RMC1: variants seen among roughly 807,000 people sequenced by gnomAD.
The protein encoded by RMC1 is regulator of MON1-CCZ1 complex.
A neutral mutation model predicts 95.5 loss-of-function variants in RMC1; 44 were observed. That is an observed-to-expected ratio of 0.46 (90% confidence interval 0.36 to 0.59). The LOEUF is 0.59. Ranked by LOEUF, RMC1 falls within the 20% of genes least tolerant of loss-of-function variation. RMC1 has a pLI of 0.00. For missense variants in RMC1, 705 were observed against 819.6 expected (o/e 0.86, Z 1.71); for synonymous variants, 320 against 303.6 (o/e 1.05, Z -0.56).
At chr18:23,518,077 G>T (rs1268938950) in intron 7 of RMC1, among the ~76,000 whole-genome samples, 1 of 152,242 alleles carries the variant, frequency 6.6e-6, no homozygotes, top group Non-Finnish European at 1.5e-5. Flanking sequence ...TGGAGGTGGG[G>T]ACCTGTTCCC....
At position 23,504,356 on chromosome 18, in the gene RMC1, G is replaced by T; in HGVS notation, c.103-15G>T. 6.2e-7 allele frequency: 1 copy of T among 1,613,764 alleles called. No individual in the cohort carries two copies. Among genetic ancestry groups the T allele is most frequent in the Non-Finnish European group, 8.5e-7 (1 of 1,179,670 alleles). ...CAGAGTTCAGGCTGTTAACCTTGCTGCTTTTCCCTCTCAGGTTTTTGCTGT... is the reference window on the plus strand; with the variant it reads ...CAGAGTTCAGGCTGTTAACCTTGCTTCTTTTCCCTCTCAGGTTTTTGCTGT... On this transcript the variant is annotated splice_polypyrimidine_tract_variant and intron_variant, in intron 1 of 19. Transcript: ENST00000269221.
intron 5 of RMC1, among the ~76,000 whole-genome samples, chr18:23,511,816 C>T (rs2057866327): frequency 6.6e-6 from 1 of 152,114 alleles, no homozygotes; most frequent in Non-Finnish European, 1.5e-5. Flanking sequence ...CCTTCAGTAA[C>T]ATGCTTGTAC....
Position 23,518,871 on chromosome 18 carries a change from CTGTT to C in RMC1, c.654-14_654-11del, listed in dbSNP as rs762492126. On this transcript the variant is annotated splice_polypyrimidine_tract_variant and intron_variant, in intron 7 of 19. Transcript: ENST00000269221. ...TTGAATGGCCAGATGTGATTTATGT[CTGTT>C]TGTTCCCTAATTAGATACGGGCAGC... The C allele has an allele frequency of 6.2e-7, 1 of 1,610,622 alleles. No individual in the cohort carries two copies. Among genetic ancestry groups the C allele is most frequent in the African/African-American group, 1.3e-5 (1 of 74,850 alleles).
intron 12 of RMC1, 98 bp from the exon 13 acceptor site, chr18:23,526,539 C>T (rs1399398403): frequency 1.4e-6 from 2 of 1,462,356 alleles, no homozygotes; most frequent in Admixed American, 2.1e-5. Context: ...TTTTTATCAC[C>T]ACCTGCCACC....
intron 16 of RMC1, 108 bp downstream of exon 16, chr18:23,529,820 G>A: frequency 1.7e-6 from 2 of 1,187,364 alleles, no homozygotes; most frequent in Non-Finnish European, 1.2e-6. Flanking sequence ...CTGCCTCCCT[G>A]ACTCAGAATG....
chr18:23,505,015 T>C (rs1021212128), intron 2 of RMC1, among the ~76,000 whole-genome samples: 1 of 152,160 alleles, frequency 6.6e-6, no homozygotes, highest in Admixed American at 6.6e-5. Flanking sequence ...AGGCCCTCAA[T>C]TCAGTAGTGA....
At chr18:23,520,872 C>T (rs1437343797) in intron 10 of RMC1, among the ~76,000 whole-genome samples, 2 of 152,176 alleles carry the variant, frequency 1.3e-5, no homozygotes, top group African/African-American at 2.4e-5. Flanking sequence ...TGCACCACCA[C>T]GCCCAGCTAA....
intron 16 of RMC1, 40 bp downstream of exon 16, chr18:23,529,752 A>C (rs1232897259): frequency 1.3e-6 from 2 of 1,551,346 alleles, no homozygotes; most frequent in South Asian, 2.3e-5. Context: ...AAACAGAAGG[A>C]ATTTAAAAAA....
At chr18:23,512,320 C>T (rs1043445891) in intron 5 of RMC1, among the ~76,000 whole-genome samples, 4 of 151,940 alleles carry the variant, frequency 2.6e-5, no homozygotes, top group Admixed American at 6.6e-5. Context: ...CATGCCTGGC[C>T]GAAAGACATT....
intron 19 of RMC1, among the ~76,000 whole-genome samples, 174 bp downstream of exon 19, chr18:23,530,786 CAG>C (rs1182163024): frequency 1.3e-5 from 2 of 152,144 alleles, no homozygotes; most frequent in African/African-American, 4.8e-5. Flanking sequence ...AGTATACTGA[CAG>C]AATCTGAATT....
intron 1 of RMC1, among the ~76,000 whole-genome samples, chr18:23,504,002 TTTG>T (rs1400207402): frequency 6.6e-6 from 1 of 152,146 alleles, no homozygotes; most frequent in Non-Finnish European, 1.5e-5. Context: ...CTAGGCTTCT[TTTG>T]TTGTGTTTGT....
At position 23,512,858 on chromosome 18, in the gene RMC1, T is replaced by A. The variant is rs890514830; in HGVS notation, c.409-2998T>A. 3.9e-4 allele frequency among the ~76,000 whole-genome samples: 60 copies of A among 152,204 alleles called. 1 individual carries two copies. Among genetic ancestry groups the A allele is most frequent in the Admixed American group, 3.3e-3 (51 of 15,284 alleles). On this transcript the variant is annotated intron_variant, in intron 5 of 19. Transcript: ENST00000269221. ...TGTTATGAAATAGCTCCAGAACTTT[T>A]TTCATCTTGTGAAACCAAAACTATC...
intron 5 of RMC1, among the ~76,000 whole-genome samples, chr18:23,512,328 A>G (rs2057884580): frequency 6.6e-6 from 1 of 152,054 alleles, no homozygotes; most frequent in South Asian, 2.1e-4. Context: ...GCCGAAAGAC[A>G]TTTTAATTTG....
chr18:23,523,817 T>C (rs1020585871), intron 10 of RMC1, among the ~76,000 whole-genome samples: 2 of 152,208 alleles, frequency 1.3e-5, no homozygotes, highest in Non-Finnish European at 2.9e-5. Context: ...TTCAAGTAAA[T>C]TTCTCAGTTC....
intron 13 of RMC1, among the ~76,000 whole-genome samples, chr18:23,527,589 C>CTTTTTTTT (rs71163615): frequency 9.2e-6 from 1 of 108,368 alleles, no homozygotes; most frequent in Non-Finnish European, 1.8e-5. Flanking sequence ...CCTGCTATAG[C>CTTTTTTTT]TTTTTTTTTT....
At chr18:23,512,017 T>C (rs62093270) in intron 5 of RMC1, among the ~76,000 whole-genome samples, 1 of 83,608 alleles carries the variant, frequency 1.2e-5, no homozygotes, top group African/African-American at 4.8e-5. Context: ...GTAGAAAGAC[T>C]TTTTTTTTTT....
rs375758661 is a variant in RMC1, at chr18:23,526,908, C to G, written c.1189+143C>G. ...TTTATGTGAGGGGTGGCTATGTGAC[C>G]CCCTAGGAAAGGCTGCTAAATGGAA... On this transcript the variant is annotated intron_variant, in intron 13 of 19. Transcript: ENST00000269221. The G allele has an allele frequency of 1.9e-4, 210 of 1,130,684 alleles. 2 individuals are homozygous for G. In the East Asian group the frequency reaches 2.6e-3, roughly 14 times the overall value. The allele number at this position is 1,130,684 out of a possible 1,614,324, so 70.0% of individuals were successfully genotyped here.
At chr18:23,507,959 G>A in intron 3 of RMC1, 26 bp from the exon 4 acceptor site, 1 of 1,607,284 alleles carries the variant, frequency 6.2e-7, no homozygotes, top group African/African-American at 1.3e-5. Context: ...CCAAATTTGT[G>A]TGTGTCTGTG....
At chr18:23,523,524 A>T (rs887186215) in intron 10 of RMC1, among the ~76,000 whole-genome samples, 5 of 145,968 alleles carry the variant, frequency 3.4e-5, no homozygotes, top group Non-Finnish European at 7.5e-5. Context: ...CAGCCTAGGT[A>T]ACATAGACCT....
Sources: gnomAD v4.1 joint callset for allele counts (sites outside exome capture counted in the v4.1 genomes callset) on GRCh38, gnomAD v4.1.1 for gene constraint, MANE v1.5 for transcripts, NCBI Gene and HGNC (gene_info 2026-07-23, HGNC 2026-07-21) for gene names.